RTRAF: variants seen among roughly 807,000 people sequenced by gnomAD.
RTRAF encodes the protein RNA transcription, translation and transport factor, also known as tRNA-splicing ligase complex subunit RTRAF.
RTRAF carries 14 observed loss-of-function variants against 34.4 expected under a neutral mutation model. That is an observed-to-expected ratio of 0.41 (90% CI 0.27 to 0.64). The LOEUF (loss-of-function observed/expected upper bound fraction) is 0.64. Among genes scored for constraint, RTRAF ranks in the 30% least tolerant of loss-of-function variants. The probability of loss-of-function intolerance (pLI) is 0.34; values close to 1 mark genes in which losing one functional copy is unlikely to be tolerated. For synonymous variants in RTRAF, 96 were observed against 95.3 expected (o/e 1.01, Z -0.04); for missense variants, 291 against 288.4 (o/e 1.01, Z -0.06).
At chr14:51,990,642 T>G (rs1445465205) in intron 1 of RTRAF, among the ~76,000 whole-genome samples, 1 of 152,238 alleles carries the variant, frequency 6.6e-6, no homozygotes, top group Non-Finnish European at 1.5e-5. Flanking sequence ...AGAGCCTTGT[T>G]CTGGATTGGA....
Position 52,001,885 on chromosome 14 carries a change from T to A in RTRAF, c.531+19T>A, listed in dbSNP as rs1890606644. ...AAAAGAGGTACGTTTCTATAAATCC[T>A]AAATAAGTTGTTAATGAACATTTCT... is the stretch of plus-strand genomic sequence containing the variant. On this transcript the variant is annotated intron_variant, in intron 6 of 7. Transcript: ENST00000261700. The A allele has an allele frequency of 6.3e-7, 1 of 1,593,674 alleles. No individual in the cohort carries two copies. Among genetic ancestry groups the A allele is most frequent in the Non-Finnish European group, 8.6e-7 (1 of 1,168,112 alleles).
rs553493902 is a variant in RTRAF, at chr14:52,009,133, G to A, written c.*4617G>A. 6.6e-6 allele frequency: 1 copy of A among 152,304 alleles called. No individual in the cohort carries two copies. The highest frequency in any genetic ancestry group is 1.5e-5 in the Non-Finnish European group (1 of 68,028). 9.4% of individuals were successfully genotyped at this position (152,304 alleles called of 1,614,324 possible). A position where few individuals can be genotyped will look rare whatever the true frequency, so the allele number is the denominator to read the frequency against. ...GAAGAAACCATAGGTTTCCCCTGTTGCGAATTTCATCCCTTATGCCCAACA... is the reference window on the plus strand; with the variant it reads ...GAAGAAACCATAGGTTTCCCCTGTTACGAATTTCATCCCTTATGCCCAACA... On this transcript the variant is annotated 3_prime_UTR_variant, in exon 8 of 8. Coordinates refer to ENST00000261700, the MANE Select transcript of RTRAF (RefSeq NM_016039.3).
intron 6 of RTRAF, among the ~76,000 whole-genome samples, chr14:52,003,705 A>C (rs1566734723): frequency 6.6e-6 from 1 of 152,010 alleles, no homozygotes; most frequent in East Asian, 1.9e-4. Context: ...CTTGAAAGTT[A>C]AATTATACAT....
intron 3 of RTRAF, among the ~76,000 whole-genome samples, chr14:51,997,758 T>C (rs1566732807): frequency 6.8e-6 from 1 of 146,288 alleles, no homozygotes; most frequent in African/African-American, 2.5e-5. Flanking sequence ...TTGGATTTTA[T>C]GTACAGCATT....
In RTRAF at chr14:52,006,006, GCTCTAAATCC is replaced by G; in HGVS notation, c.*1491_*1500del. ...GCCATACTGAAGTTTGAAGACCATT[GCTCTAAATCC>G]ATTGCTCATCTCTAGCTGCATGTTA... On this transcript the variant is annotated 3_prime_UTR_variant, in exon 8 of 8. Coordinates refer to ENST00000261700, the MANE Select transcript of RTRAF (RefSeq NM_016039.3). The G allele has an allele frequency of 3.2e-6, 2 of 617,306 alleles. No homozygotes were observed. The highest frequency in any genetic ancestry group is 5.6e-5 in the East Asian group (2 of 35,774). 38.2% of individuals were successfully genotyped at this position (617,306 alleles called of 1,614,324 possible).
chr14:51,992,428 T>C (rs1439835767), intron 2 of RTRAF, among the ~76,000 whole-genome samples: 1 of 152,188 alleles, frequency 6.6e-6, no homozygotes, highest in Non-Finnish European at 1.5e-5. Context: ...CATCAATAAG[T>C]GAGGGTAACA....
intron 3 of RTRAF, among the ~76,000 whole-genome samples, chr14:51,997,543 G>GTT (rs1890539535): frequency 6.6e-6 from 1 of 151,776 alleles, no homozygotes; most frequent in African/African-American, 2.4e-5. Context: ...GCACTGTATA[G>GTT]CCTAAGATGC....
chr14:52,006,383 C>A lies in RTRAF; in HGVS notation c.*1867C>A. 1.3e-6 allele frequency: 1 copy of A among 769,100 alleles called. No individual in the cohort carries two copies. Among genetic ancestry groups the A allele is most frequent in the Non-Finnish European group, 2.1e-6 (1 of 474,054 alleles). 47.6% of individuals were successfully genotyped at this position (769,100 alleles called of 1,614,324 possible). On this transcript the variant is annotated 3_prime_UTR_variant, in exon 8 of 8. Transcript: ENST00000261700. ...AAAACATGAAAGGATGAAAAACATCCTTGAAGGATCTTATCTGCCAATGAG... is the reference window on the plus strand; with the variant it reads ...AAAACATGAAAGGATGAAAAACATCATTGAAGGATCTTATCTGCCAATGAG...
Position 52,008,714 on chromosome 14 carries a change from A to G in RTRAF, c.*4198A>G, listed in dbSNP as rs977352736. 6.6e-6 allele frequency: 1 copy of G among 152,208 alleles called. No individual in the cohort carries two copies. The highest frequency in any genetic ancestry group is 1.5e-5 in the Non-Finnish European group (1 of 68,034). The allele number at this position is 152,208 out of a possible 1,614,324, so 9.4% of individuals were successfully genotyped here. On this transcript the variant is annotated 3_prime_UTR_variant, in exon 8 of 8. Coordinates refer to ENST00000261700, the MANE Select transcript of RTRAF (RefSeq NM_016039.3). Reference sequence around the variant, plus strand: ...AGTCTTGAATTGGATCTTGGGTTTTAGAATAGAAACAAATACAGCTGTTAG... The same window carrying G: ...AGTCTTGAATTGGATCTTGGGTTTTGGAATAGAAACAAATACAGCTGTTAG...
chr14:51,992,506 T>G (rs1890448922), intron 2 of RTRAF, among the ~76,000 whole-genome samples: 1 of 152,214 alleles, frequency 6.6e-6, no homozygotes, highest in Non-Finnish European at 1.5e-5. Context: ...CCCTGGCGCA[T>G]AGCAAGTGTG....
intron 3 of RTRAF, among the ~76,000 whole-genome samples, chr14:51,994,882 T>C (rs1005511806): frequency 9.9e-5 from 15 of 152,020 alleles, no homozygotes; most frequent in Admixed American, 8.5e-4. Context: ...CATTTCCCCC[T>C]CTGTTTCTTT....
chr14:52,006,356 CAAAAACATGAAAGGATGAAAA>C lies in RTRAF; in HGVS notation c.*1842_*1862del. The stretch of plus-strand genomic sequence containing the variant: ...TCTGGGTGAAGTAAAAGGATGATTT[CAAAAACATGAAAGGATGAAAA>C]ACATCCTTGAAGGATCTTATCTGCC... On this transcript the variant is annotated 3_prime_UTR_variant, in exon 8 of 8. Coordinates refer to ENST00000261700, the MANE Select transcript of RTRAF (RefSeq NM_016039.3). 4.7e-6 allele frequency: 3 copies of C among 636,826 alleles called. No homozygotes were observed. The highest frequency in any genetic ancestry group is 8.0e-6 in the Non-Finnish European group (3 of 374,462). 39.4% of individuals were successfully genotyped at this position (636,826 alleles called of 1,614,324 possible).
At chr14:51,994,519 A>C (rs1490360433) in intron 3 of RTRAF, among the ~76,000 whole-genome samples, 1 of 152,102 alleles carries the variant, frequency 6.6e-6, no homozygotes, top group Non-Finnish European at 1.5e-5. Flanking sequence ...TGTTTGTTGT[A>C]TCTTCATTCC....
At position 52,006,329 on chromosome 14, in the gene RTRAF, TTTCTGGG is replaced by T; in HGVS notation, c.*1815_*1821del. On this transcript the variant is annotated 3_prime_UTR_variant, in exon 8 of 8. Transcript: ENST00000261700. Reference sequence around the variant, plus strand: ...GCTATATGTGAGCAATACCATTCGATTTCTGGGTGAAGTAAAAGGATGATTTCAAAAA... The same window carrying T: ...GCTATATGTGAGCAATACCATTCGATTGAAGTAAAAGGATGATTTCAAAAA... The T allele has an allele frequency of 1.8e-6, 1 of 548,478 alleles. No homozygotes were observed. Among genetic ancestry groups the T allele is most frequent in the Non-Finnish European group, 3.2e-6 (1 of 308,620 alleles). 34.0% of individuals were successfully genotyped at this position (548,478 alleles called of 1,614,324 possible).
At chr14:52,004,300 A>AAAT in intron 7 of RTRAF, 58 bp downstream of exon 7, 1 of 1,504,088 alleles carries the variant, frequency 6.6e-7, no homozygotes, top group Non-Finnish European at 8.8e-7. Context: ...ACTTGGGAGG[A>AAAT]AATAAATGGC....
In RTRAF at chr14:52,006,051, G is replaced by GATGAGCT. The variant is rs1461919707; in HGVS notation, c.*1538_*1544dup. The GATGAGCT allele has an allele frequency of 7.1e-6, 4 of 560,992 alleles. No individual in the cohort carries two copies. The African/African-American group carries it at 7.5e-5, about 11-fold the overall frequency. 34.8% of individuals were successfully genotyped at this position (560,992 alleles called of 1,614,324 possible). A position where few individuals can be genotyped will look rare whatever the true frequency, so the allele number is the denominator to read the frequency against. On this transcript the variant is annotated 3_prime_UTR_variant, in exon 8 of 8. Transcript: ENST00000261700. ...CTCTAGCTGCATGTTAGAATCACAT[G>GATGAGCT]ATGAGCTATCAAATCAGAGTTGTAG...
chr14:52,005,832 A>G lies in RTRAF; in HGVS notation c.*1316A>G. The G allele has an allele frequency of 6.2e-7, 1 of 1,611,102 alleles. No individual in the cohort carries two copies. Reference sequence around the variant, plus strand: ...AGTAAACTGGCCACTATGTTTATTTACTGATACAACACCATCCCTGGTAAC... The same window carrying G: ...AGTAAACTGGCCACTATGTTTATTTGCTGATACAACACCATCCCTGGTAAC... On this transcript the variant is annotated 3_prime_UTR_variant, in exon 8 of 8. Coordinates refer to ENST00000261700, the MANE Select transcript of RTRAF (RefSeq NM_016039.3).
At chr14:51,997,848 T>C (rs1266798392) in intron 3 of RTRAF, 1 of 151,844 alleles carries the variant, frequency 6.6e-6, no homozygotes, top group Non-Finnish European at 1.5e-5. Context: ...CCTCCTCCCA[T>C]TCTTCTACCC....
chr14:52,001,923 G>A (rs1151573), intron 6 of RTRAF, 57 bp downstream of exon 6: 402,636 of 1,402,004 alleles, frequency 0.29, 62,908 homozygotes, highest in East Asian at 0.54. Context: ...TGGTATGGCC[G>A]TGATTTTAAA....
Sources: allele counts gnomAD v4.1 joint callset (sites outside exome capture counted in the v4.1 genomes callset), GRCh38; gene constraint gnomAD v4.1.1; transcripts MANE v1.5; gene names NCBI Gene and HGNC (gene_info 2026-07-23, HGNC 2026-07-21).